The following RABGEF1 variants were observed in gnomAD, a reference collection of about 807,000 sequenced individuals.
The protein encoded by RABGEF1 is RAB guanine nucleotide exchange factor 1, also known as rab5 GDP/GTP exchange factor.
A neutral mutation model predicts 57.3 loss-of-function variants in RABGEF1; 26 were observed. The observed-to-expected ratio is 0.45, with a 90% CI of 0.33 to 0.63. RABGEF1 has a LOEUF of 0.63. Ranked by LOEUF, RABGEF1 falls within the 20% of genes least tolerant of loss-of-function variation. The pLI is 0.02. For missense variants in RABGEF1, 464 were observed against 607.6 expected, an observed-to-expected ratio of 0.76 and a Z score of 2.48; for synonymous variants, 185 against 210.7, an observed-to-expected ratio of 0.88 and a Z score of 1.06.
chr7:66,707,196 T>C lies in RABGEF1; in HGVS notation c.-872-4971T>C, dbSNP rs1692377030. ...TTCCATTGTGGTCAGAAAACGTATT[T>C]TGAATTACTTCAGATTTTAACAATT... On this transcript the variant is annotated intron_variant and NMD_transcript_variant, in intron 1 of 9. Coordinates refer to the RABGEF1 transcript ENST00000607882. Among the ~76,000 whole-genome samples the C allele has an allele frequency of 2.6e-5, 4 of 152,260 alleles. No homozygotes were observed. In the South Asian group the frequency reaches 8.3e-4, roughly 31 times the overall value.
chr7:66,738,600 C>CA (rs1261196295), upstream of RABGEF1, among the ~76,000 whole-genome samples: 2 of 151,956 alleles, frequency 1.3e-5, no homozygotes, highest in Non-Finnish European at 2.9e-5. Context: ...GGTGTGCTGG[C>CA]ACACACCTAT....
chr7:66,717,550 A>C (rs1489363582), intron 2 of RABGEF1, among the ~76,000 whole-genome samples: 2 of 151,564 alleles, frequency 1.3e-5, no homozygotes, highest in African/African-American at 4.8e-5. Flanking sequence ...TGAGGACAGG[A>C]GTTCAAGACC....
intron 2 of RABGEF1, among the ~76,000 whole-genome samples, chr7:66,727,740 C>T (rs1452047285): frequency 1.3e-5 from 2 of 152,198 alleles, no homozygotes; most frequent in African/African-American, 2.4e-5. Flanking sequence ...CCTGGGGAAC[C>T]GTGAGTGGCA....
intron 1 of RABGEF1, among the ~76,000 whole-genome samples, chr7:66,689,522 G>T (rs1280451497): frequency 6.6e-6 from 1 of 152,126 alleles, no homozygotes; most frequent in East Asian, 1.9e-4. Context: ...GGGTAAACTG[G>T]CCGGGCAAGG....
At chr7:66,742,124 C>G (rs1215124921) in intron 1 of RABGEF1, among the ~76,000 whole-genome samples, 4 of 151,040 alleles carry the variant, frequency 2.6e-5, no homozygotes, top group African/African-American at 7.3e-5. Context: ...GCACTCCAGC[C>G]TGGGCGACAG....
At chr7:66,665,405 A>G in the RABGEF1 span, 2 of 151,964 alleles carry the variant, frequency 1.3e-5, no homozygotes. Flanking sequence ...TGGCTTCCCA[A>G]AGTACTGGGA....
At chr7:66,752,202 A>G (rs1218473830) in intron 1 of RABGEF1, among the ~76,000 whole-genome samples, 1 of 152,130 alleles carries the variant, frequency 6.6e-6, no homozygotes, top group Non-Finnish European at 1.5e-5. Flanking sequence ...AATTAAAAAA[A>G]AAAAGTCTTG....
intron 1 of RABGEF1, among the ~76,000 whole-genome samples, chr7:66,759,390 G>T (rs1406157161): frequency 1.3e-5 from 2 of 152,174 alleles, no homozygotes; most frequent in African/African-American, 4.8e-5. Flanking sequence ...TTCCCCAGCC[G>T]TAAACTCTAG....
At chr7:66,699,045 G>T (rs2659907) in intron 1 of RABGEF1, among the ~76,000 whole-genome samples, 1 of 152,164 alleles carries the variant, frequency 6.6e-6, no homozygotes, top group East Asian at 1.9e-4. Flanking sequence ...CACTGAGACA[G>T]AGCCGCATGG....
intron 4 of RABGEF1, among the ~76,000 whole-genome samples, chr7:66,790,112 A>G (rs571202522): frequency 5.3e-5 from 8 of 152,354 alleles, no homozygotes; most frequent in Admixed American, 2.0e-4. Context: ...GCAAATATGT[A>G]TAGCATTCAG....
chr7:66,737,446 G>A (rs552396089), upstream of RABGEF1, among the ~76,000 whole-genome samples: 1 of 151,978 alleles, frequency 6.6e-6, no homozygotes, highest in East Asian at 1.9e-4. Flanking sequence ...ACTGGGTAGG[G>A]GGGGGCAGTC....
intron 1 of RABGEF1, chr7:66,755,926 T>G (rs1802598047): frequency 8.2e-6 from 5 of 613,070 alleles, no homozygotes; most frequent in Non-Finnish European, 1.1e-5. Flanking sequence ...AATAATGTTT[T>G]GTTATATTTA....
chr7:66,713,144 CTT>C (rs575223946), intron 2 of RABGEF1, among the ~76,000 whole-genome samples: 36 of 137,826 alleles, frequency 2.6e-4, no homozygotes, highest in Non-Finnish European at 3.8e-4. Context: ...CTTTTCTTTT[CTT>C]TTTTTTTTTT....
chr7:66,673,647 T>C, the RABGEF1 span, among the ~76,000 whole-genome samples: 5 of 151,480 alleles, frequency 3.3e-5, no homozygotes, highest in Non-Finnish European at 7.4e-5. Context: ...TAAGCTGTTA[T>C]TGAGGTAGCA....
chr7:66,660,908 T>C, the RABGEF1 span, among the ~76,000 whole-genome samples: 3 of 152,000 alleles, frequency 2.0e-5, no homozygotes, highest in African/African-American at 7.2e-5. Flanking sequence ...CTTATGAACA[T>C]TGGTTAAAAA....
At chr7:66,719,149 G>A (rs1795722896) in intron 2 of RABGEF1, among the ~76,000 whole-genome samples, 1 of 152,212 alleles carries the variant, frequency 6.6e-6, no homozygotes, top group Admixed American at 6.5e-5. Flanking sequence ...GGACAGTAGG[G>A]AACGGCAATT....
Position 66,783,156 on chromosome 7 carries a change from A to G in RABGEF1, c.347-519A>G, listed in dbSNP as rs557241740. On this transcript the variant is annotated intron_variant, in intron 3 of 8. Transcript: ENST00000284957. ...GCGTTCTTTCACTTTGATCAGTATG[A>G]CTCACCAACGAAATGGTGGGTAAAT... Among the ~76,000 whole-genome samples the G allele has an allele frequency of 7.9e-5, 12 of 152,284 alleles. No homozygotes were observed. The East Asian group carries it at 2.3e-3, about 29-fold the overall frequency.
At chr7:66,808,801 G>A in intron 8 of RABGEF1, 85 bp from the exon 9 acceptor site, 1 of 1,321,734 alleles carries the variant, frequency 7.6e-7, no homozygotes. Flanking sequence ...TGTTTTAAAT[G>A]GTCTGTGATC....
intron 1 of RABGEF1, among the ~76,000 whole-genome samples, chr7:66,751,032 C>CTTTTTTTTT (rs765625657): frequency 2.8e-5 from 4 of 142,868 alleles, no homozygotes; most frequent in Non-Finnish European, 4.6e-5. Context: ...CTCTTTTTTT[C>CTTTTTTTTT]TTTTTTTTTT....
Sources: gnomAD v4.1 joint callset for allele counts (sites outside exome capture counted in the v4.1 genomes callset) on GRCh38, gnomAD v4.1.1 for gene constraint, MANE v1.5 for transcripts, NCBI Gene and HGNC (gene_info 2026-07-23, HGNC 2026-07-21) for gene names.